FLT4: variants seen among roughly 807,000 people sequenced by gnomAD.
FLT4 encodes the protein vascular endothelial growth factor receptor 3.
In FLT4, 30 loss-of-function variants were observed where a neutral mutation model predicts 163.2. The ratio of observed to expected loss-of-function variants is 0.18; its 90% CI spans 0.14 to 0.25. FLT4 has a LOEUF of 0.25. FLT4 is among the 10% of genes least tolerant of loss of function. The probability of loss-of-function intolerance (pLI) is 1.00; values close to 1 mark genes in which losing one functional copy is unlikely to be tolerated. For missense variants in FLT4, 1,510 were observed against 1,863.8 expected (o/e 0.81, Z 3.50); for synonymous variants, 884 against 789.5 (o/e 1.12, Z -2.01).
At chr5:180,647,877 A>G (rs1344736200) in intron 1 of FLT4, among the ~76,000 whole-genome samples, 1 of 151,988 alleles carries the variant, frequency 6.6e-6, no homozygotes, top group Non-Finnish European at 1.5e-5. Context: ...CCTTCACCCC[A>G]CGTCCCTCTG....
chr5:180,616,852 T>C, intron 22 of FLT4, 48 bp downstream of exon 22: 1 of 1,435,828 alleles, frequency 7.0e-7, no homozygotes, highest in Non-Finnish European at 9.8e-7. Flanking sequence ...TGGCGACTGG[T>C]GGGGATGCAC....
intron 1 of FLT4, among the ~76,000 whole-genome samples, chr5:180,640,492 G>C (rs1189942759): frequency 6.6e-6 from 1 of 152,200 alleles, no homozygotes; most frequent in Admixed American, 6.5e-5. Context: ...GAAGGCCCAC[G>C]TAGGAGGCAC....
In FLT4 at chr5:180,642,004, T is replaced by C. The variant is rs185811420; in HGVS notation, c.58+7484A>G. Among the ~76,000 whole-genome samples, 672 of 152,102 alleles carry C rather than the reference T, an allele frequency of 4.4e-3. 2 individuals are homozygous for C. Among genetic ancestry groups the C allele is most frequent in the Middle Eastern group, 0.02 (6 of 294 alleles). ...TGGGCGGATCAGGAGGTCAAGAGAT[T>C]GAGACCATCCTGGCCAACATGGTGA... On this transcript the variant is annotated intron_variant, in intron 1 of 29. Transcript: ENST00000261937.
rs750772339 is a variant in FLT4 at position 180,614,150 on chromosome 5, A to T, written c.3249T>A (p.Pro1083=). Residue 1083 remains proline (P), a synonymous_variant, in exon 24 of 30, where the codon CCT becomes CCA. Transcript: ENST00000261937. ...TGTACACCTTGTCGAAGATGCTTTC[A>T]GGGGCCATCCACTTCAGGGGCAGCC... is the stretch of plus-strand genomic sequence containing the variant. ...SARLPLKWMA[P]ESIFDKVYTT... 1.9e-6 allele frequency: 3 copies of T among 1,612,742 alleles called. No individual in the cohort carries two copies. The highest frequency in any genetic ancestry group is 2.5e-6 in the Non-Finnish European group (3 of 1,179,410).
chr5:180,637,700 T>G (rs1406614470), intron 1 of FLT4, among the ~76,000 whole-genome samples: 1 of 152,210 alleles, frequency 6.6e-6, no homozygotes, highest in African/African-American at 2.4e-5. Flanking sequence ...GCCCAGCTAA[T>G]TTTGTATCTT....
intron 26 of FLT4, chr5:180,611,828 C>T: frequency 5.1e-6 from 2 of 392,926 alleles, no homozygotes; most frequent in Non-Finnish European, 9.6e-6. Flanking sequence ...CTAAGTTCTC[C>T]CAACAGCCCT....
chr5:180,649,857 A>G (rs1387317425), upstream of FLT4, among the ~76,000 whole-genome samples: 2 of 152,106 alleles, frequency 1.3e-5, no homozygotes, highest in Non-Finnish European at 2.9e-5. Context: ...CTGGTGGGCA[A>G]AGGGGAGCAA....
chr5:180,609,691 C>T (rs966882955), intron 28 of FLT4: 8 of 566,174 alleles, frequency 1.4e-5, no homozygotes, highest in Non-Finnish European at 1.9e-5. Flanking sequence ...GGGGAGGCCT[C>T]GTGTGGGGGT....
At chr5:180,625,795 G>A (rs1455415857) in intron 10 of FLT4, 74 bp downstream of exon 10, 29 of 1,424,020 alleles carry the variant, frequency 2.0e-5, no homozygotes, top group Non-Finnish European at 2.6e-5. Flanking sequence ...GAGGGGTGCT[G>A]TAAAGGAGGT....
intron 8 of FLT4, among the ~76,000 whole-genome samples, chr5:180,628,585 G>T (rs991897600): frequency 9.9e-5 from 15 of 152,224 alleles, no homozygotes; most frequent in African/African-American, 2.7e-4. Flanking sequence ...GCAGAGAGGG[G>T]CCCAGCGGTC....
intron 1 of FLT4, among the ~76,000 whole-genome samples, chr5:180,646,132 C>G (rs181582823): frequency 6.6e-6 from 1 of 152,278 alleles, no homozygotes; most frequent in African/African-American, 2.4e-5. Context: ...CCCTCCTTAT[C>G]TGGCCGGGTG....
At position 180,620,691 on chromosome 5, in the gene FLT4, T is replaced by G; in HGVS notation, c.2324A>C (p.Glu775Ala). The G allele has an allele frequency of 6.2e-7, 1 of 1,613,520 alleles. No homozygotes were observed. Among genetic ancestry groups the G allele is most frequent in the South Asian group, 1.1e-5 (1 of 91,070 alleles). Residue 775 changes from glutamate to alanine, a missense_variant, in exon 16 of 30, where the codon GAG (glutamate) becomes GCG (alanine). Around this residue, in one of 5 missense-constraint regions of FLT4, gnomAD observed 878 missense variants for 1,016.7 expected, o/e 0.86. Coordinates refer to ENST00000261937, the MANE Select transcript of FLT4 (RefSeq NM_182925.5). This position sits in a 1 kb window ranked among gnomAD's most constrained non-coding sequence, Gnocchi z 4.4. Reference sequence around the variant, plus strand: ...GCCGGTACCGACAAGGATCACGATCTCCATGCTGCCCTTATCCTCGGAGCC... The same window carrying G: ...GCCGGTACCGACAAGGATCACGATCGCCATGCTGCCCTTATCCTCGGAGCC... ...VEGSEDKGSM[E>A]IVILVGTGVI...
At chr5:180,633,560 G>T (rs1313894235) in intron 1 of FLT4, among the ~76,000 whole-genome samples, 1 of 152,228 alleles carries the variant, frequency 6.6e-6, no homozygotes, top group East Asian at 1.9e-4. Context: ...CATGAGAGGA[G>T]TCTGGGCCAG....
At chr5:180,614,454 C>T (rs1270833224) in intron 23 of FLT4, among the ~76,000 whole-genome samples, 3 of 152,166 alleles carry the variant, frequency 2.0e-5, no homozygotes, top group African/African-American at 4.8e-5. Context: ...GGAGGGGTAT[C>T]GGGGTAGACT....
At chr5:180,622,348 C>T (rs2242212) in intron 12 of FLT4, among the ~76,000 whole-genome samples, 58,570 of 151,724 alleles carry the variant, frequency 0.39, 12,156 homozygotes, top group Middle Eastern at 0.48. Flanking sequence ...TCCTGGGCTC[C>T]GCTCTCCTGA....
At chr5:180,604,656 C>T (rs1761695233) in intron 29 of FLT4, among the ~76,000 whole-genome samples, 1 of 152,192 alleles carries the variant, frequency 6.6e-6, no homozygotes, top group Admixed American at 6.5e-5. Context: ...TATCATGCAC[C>T]ATCCTCAAGC....
intron 1 of FLT4, among the ~76,000 whole-genome samples, chr5:180,634,810 A>G (rs12518056): frequency 3.0e-3 from 10 of 3,382 alleles, no homozygotes; most frequent in East Asian, 0.025. Context: ...AGATGGGTGG[A>G]TGGGTGGGTG....
chr5:180,620,654 G>A lies in FLT4; in HGVS notation c.2361C>T (p.Val787=). 6.2e-7 allele frequency: 1 copy of A among 1,613,546 alleles called. No homozygotes were observed. The highest frequency in any genetic ancestry group is 1.1e-5 in the South Asian group (1 of 91,086). The change falls in exon 16 of 30, where the codon GTC becomes GTT. Residue 787 remains valine, a synonymous_variant. Transcript: ENST00000261937. This position sits in a 1 kb window ranked among gnomAD's most constrained non-coding sequence, Gnocchi z 4.4. ...VILVGTGVIA[V]FFWVLLLLIF... ...TGAGGAGGAGGAGGACCCAGAAGAA[G>A]ACAGCGATGACGCCGGTACCGACAA...
At chr5:180,634,027 C>T (rs1764368329) in intron 1 of FLT4, among the ~76,000 whole-genome samples, 1 of 152,188 alleles carries the variant, frequency 6.6e-6, no homozygotes, top group Non-Finnish European at 1.5e-5. Context: ...GATGGCTCCC[C>T]TCTGTTCCCA....
Sources: allele counts gnomAD v4.1 joint callset (sites outside exome capture counted in the v4.1 genomes callset), GRCh38; gene constraint gnomAD v4.1.1; regional missense constraint gnomAD v4.1.1; non-coding constraint Gnocchi (gnomAD v3.1); transcripts MANE v1.5; gene names NCBI Gene and HGNC (gene_info 2026-07-23, HGNC 2026-07-21).